The following PLPPR1 variants were observed in gnomAD, a reference collection of about 807,000 sequenced individuals.
The protein encoded by PLPPR1 is phospholipid phosphatase-related protein type 1.
PLPPR1 carries 10 observed loss-of-function variants against 33.1 expected under a neutral mutation model. The observed-to-expected ratio is 0.30, with a 90% CI of 0.19 to 0.51. The LOEUF is 0.51. PLPPR1 is among the 20% of genes least tolerant of loss of function. The pLI is 0.97. For synonymous variants in PLPPR1, 151 were observed against 151.0 expected, an observed-to-expected ratio of 1.00 and a Z score of 0.00; for missense variants, 304 against 408.1, an observed-to-expected ratio of 0.74 and a Z score of 2.20.
At chr9:101,128,059 T>G (rs921200952) in intron 1 of PLPPR1, among the ~76,000 whole-genome samples, 2 of 152,182 alleles carry the variant, frequency 1.3e-5, no homozygotes, top group African/African-American at 4.8e-5. Context: ...TTCAGGAATT[T>G]TACTGGGATC....
chr9:101,220,930 C>A (rs574284208), intron 2 of PLPPR1, among the ~76,000 whole-genome samples: 8 of 152,106 alleles, frequency 5.3e-5, no homozygotes, highest in Non-Finnish European at 1.0e-4. Context: ...TATGTTAGAA[C>A]GATAATCCCA....
At chr9:101,157,210 G>A (rs1316102082) in intron 1 of PLPPR1, among the ~76,000 whole-genome samples, 1 of 152,198 alleles carries the variant, frequency 6.6e-6, no homozygotes, top group Non-Finnish European at 1.5e-5. Context: ...AAGATGGAAA[G>A]GAGAGAACAA....
chr9:101,087,869 C>T (rs2118525571), intron 1 of PLPPR1, among the ~76,000 whole-genome samples: 1 of 152,264 alleles, frequency 6.6e-6, no homozygotes, highest in South Asian at 2.1e-4. Flanking sequence ...TCAAATGTTT[C>T]TTCCACAAAT....
rs1219699759 is a variant in PLPPR1, at chr9:101,286,161, G to A, written c.310G>A (p.Ala104Thr). ...FIKSTRESLI[A>T]QEKTILTGEC... ...AAAATCAACAAGAGAATCCCTGATT[G>A]CTCAGGAGAAAACAATTCTGACCGG... Residue 104 changes from alanine to threonine, a missense_variant, in exon 4 of 8, where the codon GCT (alanine) becomes ACT (threonine). Coordinates refer to ENST00000374874, the MANE Select transcript of PLPPR1 (RefSeq NM_207299.2). 6.2e-7 allele frequency: 1 copy of A among 1,611,488 alleles called. No homozygotes were observed. Among genetic ancestry groups the A allele is most frequent in the Admixed American group, 1.7e-5 (1 of 59,996 alleles).
chr9:101,090,746 C>T (rs796661641), intron 1 of PLPPR1, among the ~76,000 whole-genome samples: 2 of 90,604 alleles, frequency 2.2e-5, no homozygotes, highest in African/African-American at 4.4e-5. Context: ...AACAAACAAA[C>T]AAACAAACAG....
intron 2 of PLPPR1, chr9:101,187,864 A>T (rs1826230599): frequency 6.6e-6 from 1 of 152,022 alleles, no homozygotes; most frequent in Non-Finnish European, 1.5e-5. Flanking sequence ...AATGTTACAG[A>T]TATGGCCAAA....
chr9:101,089,842 T>G (rs1257760720), intron 1 of PLPPR1, among the ~76,000 whole-genome samples: 1 of 152,176 alleles, frequency 6.6e-6, no homozygotes, highest in East Asian at 1.9e-4. Flanking sequence ...TTGATACATA[T>G]TTCTAAACTG....
chr9:101,210,738 T>C (rs1826674818), intron 2 of PLPPR1, among the ~76,000 whole-genome samples: 1 of 152,200 alleles, frequency 6.6e-6, no homozygotes, highest in Admixed American at 6.5e-5. Flanking sequence ...AATATTATAT[T>C]CATCCTATTA....
chr9:101,151,310 G>C (rs112635846), intron 1 of PLPPR1, among the ~76,000 whole-genome samples: 2,259 of 152,196 alleles, frequency 0.015, 24 homozygotes, highest in Non-Finnish European at 0.023. Context: ...GTATAAGGTG[G>C]TAATATTCTC....
intron 1 of PLPPR1, among the ~76,000 whole-genome samples, chr9:101,076,007 C>T (rs531895618): frequency 6.6e-6 from 1 of 152,068 alleles, no homozygotes; most frequent in Non-Finnish European, 1.5e-5. Flanking sequence ...AGAAGGGGCA[C>T]GCGGGAGAGT....
At chr9:101,210,626 G>A (rs1826673094) in intron 2 of PLPPR1, among the ~76,000 whole-genome samples, 1 of 152,162 alleles carries the variant, frequency 6.6e-6, no homozygotes, top group Admixed American at 6.5e-5. Context: ...GATAAAAATG[G>A]AGAGGCATTT....
At chr9:101,293,080 T>A (rs914441606) in intron 4 of PLPPR1, among the ~76,000 whole-genome samples, 5 of 151,920 alleles carry the variant, frequency 3.3e-5, no homozygotes, top group African/African-American at 9.7e-5. Flanking sequence ...GAGACACACA[T>A]AGGCTCAAAA....
At chr9:101,201,981 G>A (rs1009642215) in intron 2 of PLPPR1, among the ~76,000 whole-genome samples, 1 of 152,102 alleles carries the variant, frequency 6.6e-6, no homozygotes, top group South Asian at 2.1e-4. Context: ...AGCATACTTT[G>A]ACATAACTGA....
intron 2 of PLPPR1, among the ~76,000 whole-genome samples, chr9:101,248,705 A>G (rs944684009): frequency 6.6e-6 from 1 of 152,014 alleles, no homozygotes; most frequent in Non-Finnish European, 1.5e-5. Flanking sequence ...TCTAATTCAA[A>G]TCTCTAAGCA....
chr9:101,161,620 A>T (rs1287918369), intron 1 of PLPPR1, among the ~76,000 whole-genome samples: 1 of 152,126 alleles, frequency 6.6e-6, no homozygotes, highest in Admixed American at 6.6e-5. Context: ...CATTAAGGCA[A>T]TCCTGGAGAG....
intron 1 of PLPPR1, among the ~76,000 whole-genome samples, chr9:101,047,579 T>C (rs1202456610): frequency 6.6e-6 from 1 of 152,192 alleles, no homozygotes. Context: ...GCAGTCTCCA[T>C]CGTAACCTTA....
rs543567756 is a variant in PLPPR1 at position 101,274,516 on chromosome 9, C to T, written c.252+4448C>T. 1.5e-4 allele frequency among the ~76,000 whole-genome samples: 23 copies of T among 152,250 alleles called. No individual in the cohort carries two copies. The South Asian group carries it at 4.8e-3, about 32-fold the overall frequency. On this transcript the variant is annotated intron_variant, in intron 3 of 7. Transcript: ENST00000374874. ...GCAAAGAGCAGCGTGGCCTTGCTACCCTGCTAATGGCGCTTGATTTTCCCT... is the reference window on the plus strand; with the variant it reads ...GCAAAGAGCAGCGTGGCCTTGCTACTCTGCTAATGGCGCTTGATTTTCCCT...
At chr9:101,185,340 C>T (rs56390104) in intron 1 of PLPPR1, 110 bp from the exon 2 acceptor site, 7,939 of 497,290 alleles carry the variant, frequency 0.016, 530 homozygotes, top group African/African-American at 0.14. Flanking sequence ...CTTTTGCACA[C>T]AGCCTGCTTA....
At chr9:101,287,667 AT>A (rs1172605783) in intron 4 of PLPPR1, among the ~76,000 whole-genome samples, 1 of 151,860 alleles carries the variant, frequency 6.6e-6, no homozygotes, top group East Asian at 1.9e-4. Flanking sequence ...AGACTGGATA[AT>A]TTTTGCATTT....
Sources: allele counts gnomAD v4.1 joint callset (sites outside exome capture counted in the v4.1 genomes callset), GRCh38; gene constraint gnomAD v4.1.1; transcripts MANE v1.5; gene names NCBI Gene and HGNC (gene_info 2026-07-23, HGNC 2026-07-21).